The following REST variants were observed in gnomAD, a reference collection of about 807,000 sequenced individuals.
REST encodes RE1 silencing transcription factor.
REST carries 1 observed loss-of-function variant against 30.4 expected under a neutral mutation model. The ratio of observed to expected loss-of-function variants is 0.03; its 90% CI spans 0.01 to 0.16. The LOEUF (loss-of-function observed/expected upper bound fraction) is 0.16, where lower values mean the gene tolerates loss of function less well. REST is among the 10% of genes least tolerant of loss of function. The pLI, the probability that REST is intolerant of heterozygous loss-of-function variation, is 1.00. For synonymous variants in REST, 504 were observed against 451.1 expected (o/e 1.12, Z -1.49); for missense variants, 1,259 against 1,329.5 (o/e 0.95, Z 0.82).
intron 1 of REST, among the ~76,000 whole-genome samples, chr4:56,910,120 G>C (rs1719828090): frequency 6.6e-6 from 1 of 152,128 alleles, no homozygotes; most frequent in Admixed American, 6.5e-5. Context: ...CAATTAAGTT[G>C]AACAATTATT....
Position 56,935,005 on chromosome 4 carries a change from C to T in REST, c.*2853C>T, listed in dbSNP as rs1203178728. ...TTTTAGTTGTGTAATTCACAAAGGG[C>T]TGCATTTTTTTTTTTTTTTAATAAG... On this transcript the variant is annotated 3_prime_UTR_variant, in exon 4 of 4. Coordinates refer to ENST00000309042, the MANE Select transcript of REST (RefSeq NM_005612.5). 2.8e-5 allele frequency: 4 copies of T among 141,162 alleles called. No individual in the cohort carries two copies. Among genetic ancestry groups the T allele is most frequent in the African/African-American group, 1.1e-4 (4 of 37,300 alleles). 8.7% of individuals were successfully genotyped at this position (141,162 alleles called of 1,614,324 possible).
At chr4:56,912,714 A>G (rs1350035805) in intron 2 of REST, among the ~76,000 whole-genome samples, 1 of 151,948 alleles carries the variant, frequency 6.6e-6, no homozygotes, top group Admixed American at 6.6e-5. Context: ...GGGTTTCACC[A>G]TGTTGCCCAG....
chr4:56,926,823 G>A (rs781198904), intron 3 of REST, among the ~76,000 whole-genome samples: 16 of 152,024 alleles, frequency 1.1e-4, no homozygotes, highest in Admixed American at 2.6e-4. Context: ...GAGGCCGGGC[G>A]CGGTGGCTCA....
At position 56,932,597 on chromosome 4, in the gene REST, TTTA is replaced by T; in HGVS notation, c.*446_*448del. The T allele has an allele frequency of 6.5e-6, 1 of 153,528 alleles. No individual in the cohort carries two copies. Among genetic ancestry groups the T allele is most frequent in the Non-Finnish European group, 1.5e-5 (1 of 68,928 alleles). The allele number at this position is 153,528 out of a possible 1,614,324, so 9.5% of individuals were successfully genotyped here. On this transcript the variant is annotated 3_prime_UTR_variant, in exon 4 of 4. Transcript: ENST00000309042. ...AAGTTAGCACTTTAAGATTTTTTTT[TTTA>T]GAGATGAGAAGACATTTAAATTGAA...
chr4:56,913,346 T>A (rs1400437677), intron 2 of REST, among the ~76,000 whole-genome samples: 1 of 152,208 alleles, frequency 6.6e-6, no homozygotes, highest in African/African-American at 2.4e-5. Flanking sequence ...TAAATTGGGT[T>A]TTAAATATTG....
chr4:56,922,131 A>G (rs995349175), intron 3 of REST, among the ~76,000 whole-genome samples: 1 of 152,052 alleles, frequency 6.6e-6, no homozygotes, highest in Non-Finnish European at 1.5e-5. Flanking sequence ...GGTGCCACTT[A>G]ACCAGAAACC....
intron 3 of REST, among the ~76,000 whole-genome samples, chr4:56,923,274 G>C (rs1427997186): frequency 1.3e-5 from 2 of 151,932 alleles, no homozygotes; most frequent in Non-Finnish European, 2.9e-5. Flanking sequence ...AAGTAATTTT[G>C]TTGTTGTTGT....
intron 2 of REST, among the ~76,000 whole-genome samples, chr4:56,914,469 C>T (rs908208775): frequency 4.6e-5 from 7 of 152,018 alleles, no homozygotes; most frequent in African/African-American, 9.7e-5. Context: ...TTGATTGTCT[C>T]GATGCTTTGA....
rs751337138 is a variant in REST, at chr4:56,930,727, G to A, written c.1869G>A (p.Lys623=). 40 of 1,603,722 alleles carry A rather than the reference G, an allele frequency of 2.5e-5. 3 individuals are homozygous for A. In the South Asian group the frequency reaches 4.1e-4, roughly 17 times the overall value. ...MGPAPTEAVQ[K]GPVQVEPPPP... is the part of the protein sequence containing the mutation. ...CTGCTCCCACAGAGGCGGTTCAGAA[G>A]GGGCCCGTTCAGGTGGAGCCGCCAC... Residue 623 remains lysine (K), a synonymous_variant, in exon 4 of 4, where the codon AAG becomes AAA. Transcript: ENST00000309042.
intron 3 of REST, among the ~76,000 whole-genome samples, chr4:56,921,709 C>T (rs1198382873): frequency 6.6e-6 from 1 of 152,070 alleles, no homozygotes; most frequent in African/African-American, 2.4e-5. Flanking sequence ...CGCGCCCGGC[C>T]ACAGATTTCA....
intron 3 of REST, among the ~76,000 whole-genome samples, chr4:56,929,076 T>C (rs1441568248): frequency 6.6e-6 from 1 of 151,678 alleles, no homozygotes; most frequent in Non-Finnish European, 1.5e-5. Context: ...TTTTTTTTTT[T>C]TTTTTTTCTT....
At position 56,919,232 on chromosome 4, in the gene REST, A is replaced by G. The variant is rs376463905; in HGVS notation, c.899-555A>G. Among the ~76,000 whole-genome samples the G allele has an allele frequency of 9.2e-5, 14 of 152,282 alleles. 1 individual carries two copies. Among genetic ancestry groups the G allele is most frequent in the African/African-American group, 3.4e-4 (14 of 41,570 alleles). On this transcript the variant is annotated intron_variant, in intron 2 of 3. Transcript: ENST00000309042. ...AGGCTAGTTTTTAAAATAAAATTTT[A>G]GAAATGAGGTATTGCTGTGTTGCCC...
In REST at chr4:56,919,796, C is replaced by A; in HGVS notation, c.908C>A (p.Pro303Gln). ...QHVRTHTGER[P>Q]YKCELCPYSS... ...TATTGAAATTTTGCAGGAGAACGCC[C>A]ATATAAATGTGAACTTTGTCCTTAC... Residue 303 changes from proline (P) to glutamine (Q), a missense_variant, in exon 3 of 4, where the codon CCA (proline) becomes CAA (glutamine). Pro to Gln is a moderately conservative substitution (Grantham distance 76, BLOSUM62 -1). This residue lies in a region of REST where 125 missense variants were observed against 255.4 expected (regional missense o/e 0.49). Transcript: ENST00000309042. 1 of 1,603,000 alleles carries A rather than the reference C, an allele frequency of 6.2e-7. No individual in the cohort carries two copies. The highest frequency in any genetic ancestry group is 8.5e-7 in the Non-Finnish European group (1 of 1,171,940).
chr4:56,918,932 A>G (rs1366904362), intron 2 of REST, among the ~76,000 whole-genome samples: 1 of 150,096 alleles, frequency 6.7e-6, no homozygotes, highest in Non-Finnish European at 1.5e-5. Context: ...TGGCCTCCCA[A>G]AGTGTTGGGG....
At chr4:56,914,287 A>ATTAACTGGCAGGC (rs1277972012) in intron 2 of REST, among the ~76,000 whole-genome samples, 1 of 152,210 alleles carries the variant, frequency 6.6e-6, no homozygotes, top group African/African-American at 2.4e-5. Flanking sequence ...ACTTAAAACT[A>ATTAACTGGCAGGC]TTAACTGGCA....
intron 3 of REST, among the ~76,000 whole-genome samples, chr4:56,920,876 T>A (rs114829114): frequency 0.022 from 3,419 of 152,142 alleles, 122 homozygotes; most frequent in African/African-American, 0.076. Flanking sequence ...ATTTTTATAT[T>A]TTTTTTGGAG....
Position 56,931,801 on chromosome 4 carries a change from A to T in REST, c.2943A>T (p.Glu981Asp), listed in dbSNP as rs764218596. ...SPMLPPSAVE[E>D]REAVSKTALA... is the part of the protein sequence containing the mutation. ...TGCTTCCCCCTTCAGCAGTAGAAGA[A>T]CGTGAAGCAGTGTCCAAAACTGCAC... Residue 981 changes from glutamate to aspartate, a missense_variant, in exon 4 of 4, where the codon GAA (glutamate) becomes GAT (aspartate). By Grantham distance (45) the Glu-to-Asp change is conservative (BLOSUM62 2). Coordinates refer to ENST00000309042, the MANE Select transcript of REST (RefSeq NM_005612.5). 6.2e-7 allele frequency: 1 copy of T among 1,614,134 alleles called. No homozygotes were observed. Among genetic ancestry groups the T allele is most frequent in the Non-Finnish European group, 8.5e-7 (1 of 1,180,048 alleles).
Position 56,930,222 on chromosome 4 carries a change from G to C in REST, c.1364G>C (p.Gly455Ala). 14 of 1,606,286 alleles carry C rather than the reference G, an allele frequency of 8.7e-6. No homozygotes were observed. The highest frequency in any genetic ancestry group is 1.2e-5 in the Non-Finnish European group (14 of 1,178,372). The change falls in exon 4 of 4, where the codon GGG (glycine) becomes GCG (alanine). Residue 455 changes from glycine to alanine, a missense_variant. Physicochemically the swap from Gly to Ala is moderately conservative, Grantham distance 60 (BLOSUM62 0). Around this residue, in one of 5 missense-constraint regions of REST, gnomAD observed 856 missense variants for 772.8 expected, o/e 1.11. Coordinates refer to ENST00000309042, the MANE Select transcript of REST (RefSeq NM_005612.5). ...GAAATAGAACAAACAAAAATAAAAG[G>C]GGATGTGGCTGGAAAGAAAAATGAA... ...KTEIEQTKIK[G>A]DVAGKKNEKS...
At position 56,930,427 on chromosome 4, in the gene REST, G is replaced by A. The variant is rs1720906269; in HGVS notation, c.1569G>A (p.Leu523=). The A allele has an allele frequency of 1.9e-6, 3 of 1,613,956 alleles. No homozygotes were observed. Among genetic ancestry groups the A allele is most frequent in the Non-Finnish European group, 2.5e-6 (3 of 1,180,008 alleles). Residue 523 remains leucine (L), a synonymous_variant, in exon 4 of 4, where the codon CTG becomes CTA. Transcript: ENST00000309042. ...FSKTKKSKRK[L]EVDSHSLHGP... ...AAACTAAGAAAAGCAAAAGGAAGCT[G>A]GAAGTTGACAGCCATTCTTTACATG... is the stretch of plus-strand genomic sequence containing the variant.
Sources: allele counts gnomAD v4.1 joint callset (sites outside exome capture counted in the v4.1 genomes callset), GRCh38; gene constraint gnomAD v4.1.1; regional missense constraint gnomAD v4.1.1; transcripts MANE v1.5; gene names NCBI Gene and HGNC (gene_info 2026-07-23, HGNC 2026-07-21).